Variants in LAMA2 observed in about 807,000 individuals in gnomAD.
LAMA2 encodes laminin subunit alpha 2.
Under a neutral mutation model 364.8 loss-of-function variants are expected in LAMA2, and 269 were observed. That is an observed-to-expected ratio of 0.74 (90% CI 0.67 to 0.82). The LOEUF (loss-of-function observed/expected upper bound fraction) is 0.82, where lower values mean the gene tolerates loss of function less well. Among genes scored for constraint, LAMA2 ranks in the 40% least tolerant of loss-of-function variants. The pLI, the probability that LAMA2 is intolerant of heterozygous loss-of-function variation, is 0.00. For missense variants in LAMA2, 3,807 were observed against 3,873.2 expected, an observed-to-expected ratio of 0.98 and a Z score of 0.45; for synonymous variants, 1,379 against 1,370.6, an observed-to-expected ratio of 1.01 and a Z score of -0.14.
chr6:128,885,725 ACC>A (rs1159897342), intron 1 of LAMA2, among the ~76,000 whole-genome samples: 9 of 152,170 alleles, frequency 5.9e-5, no homozygotes, highest in Non-Finnish European at 2.9e-5. Context: ...ACATGAATCA[ACC>A]ATTTTTAGAT....
At chr6:129,008,951 A>C (rs1217600549) in intron 1 of LAMA2, among the ~76,000 whole-genome samples, 1 of 152,234 alleles carries the variant, frequency 6.6e-6, no homozygotes, top group Non-Finnish European at 1.5e-5. Flanking sequence ...CTTGGCATGC[A>C]TAATTCAAAG....
At chr6:128,988,850 T>C (rs1463478539) in intron 1 of LAMA2, among the ~76,000 whole-genome samples, 2 of 152,180 alleles carry the variant, frequency 1.3e-5, no homozygotes, top group African/African-American at 2.4e-5. Flanking sequence ...ATTCTCAAAT[T>C]AATAGGATAC....
chr6:129,227,862 C>G (rs536872678), intron 12 of LAMA2, among the ~76,000 whole-genome samples: 8 of 152,300 alleles, frequency 5.3e-5, no homozygotes, highest in South Asian at 2.1e-4. Context: ...AGCTGTCAGA[C>G]AGGGACATTT....
intron 33 of LAMA2, among the ~76,000 whole-genome samples, chr6:129,368,376 T>C (rs184985146): frequency 6.6e-4 from 100 of 152,302 alleles, no homozygotes; most frequent in African/African-American, 2.3e-3. Context: ...TAGTGAAAGA[T>C]AAGGCTGGAG....
At chr6:129,227,337 A>G (rs1188459656) in intron 12 of LAMA2, among the ~76,000 whole-genome samples, 1 of 152,088 alleles carries the variant, frequency 6.6e-6, no homozygotes, top group African/African-American at 2.4e-5. Flanking sequence ...AACTCCTCAA[A>G]GTCATTCTCC....
At chr6:129,330,143 T>C (rs1425409551) in intron 29 of LAMA2, among the ~76,000 whole-genome samples, 1 of 151,982 alleles carries the variant, frequency 6.6e-6, no homozygotes, top group Non-Finnish European at 1.5e-5. Flanking sequence ...TTATGGTGAG[T>C]TGTATAATTA....
intron 14 of LAMA2, among the ~76,000 whole-genome samples, chr6:129,257,502 A>G (rs1477932416): frequency 6.6e-6 from 1 of 152,074 alleles, no homozygotes; most frequent in Non-Finnish European, 1.5e-5. Context: ...AAAGTAGTCA[A>G]CTGCTCATTC....
chr6:129,292,261 G>C (rs911496565), intron 20 of LAMA2, among the ~76,000 whole-genome samples: 1 of 152,126 alleles, frequency 6.6e-6, no homozygotes, highest in East Asian at 1.9e-4. Context: ...CGGGAGAATC[G>C]CTTGAACCTG....
At chr6:128,959,926 T>C (rs1362274428) in intron 1 of LAMA2, among the ~76,000 whole-genome samples, 2 of 151,940 alleles carry the variant, frequency 1.3e-5, no homozygotes, top group East Asian at 1.9e-4. Context: ...TTATAAAAAA[T>C]TAATATATTC....
At chr6:129,060,557 G>A (rs895089285) in intron 3 of LAMA2, among the ~76,000 whole-genome samples, 5 of 152,124 alleles carry the variant, frequency 3.3e-5, no homozygotes, top group Non-Finnish European at 5.9e-5. Context: ...TTGCAATTAG[G>A]ATGGAAAGTG....
chr6:129,486,310 G>C (rs1784579902), intron 55 of LAMA2, among the ~76,000 whole-genome samples, 164 bp from the exon 56 acceptor site: 1 of 152,212 alleles, frequency 6.6e-6, no homozygotes, highest in African/African-American at 2.4e-5. Context: ...TAAATGATTA[G>C]AAAGATATTT....
chr6:129,490,554 T>C (rs1186431333), intron 56 of LAMA2: 1 of 152,230 alleles, frequency 6.6e-6, no homozygotes, highest in African/African-American at 2.4e-5. Context: ...CAGAGGCTTA[T>C]ATCCTTCATT....
At chr6:129,144,794 A>G (rs1778333180) in intron 5 of LAMA2, among the ~76,000 whole-genome samples, 1 of 152,060 alleles carries the variant, frequency 6.6e-6, no homozygotes. Context: ...ATTAGGGGAA[A>G]AAGTTTAAAG....
intron 40 of LAMA2, among the ~76,000 whole-genome samples, chr6:129,406,278 A>G (rs1780244310): frequency 6.6e-6 from 1 of 152,230 alleles, no homozygotes; most frequent in Admixed American, 6.5e-5. Context: ...CTTTATAAGC[A>G]GGAGAAAGCT....
At chr6:129,297,659 A>G in intron 20 of LAMA2, 26 bp from the exon 21 acceptor site, 2 of 1,610,804 alleles carry the variant, frequency 1.2e-6, no homozygotes, top group East Asian at 2.2e-5. Context: ...TTTAAATTTA[A>G]TTTTTCTCTC....
At chr6:129,206,872 T>C (rs939946423) in intron 12 of LAMA2, among the ~76,000 whole-genome samples, 1 of 152,224 alleles carries the variant, frequency 6.6e-6, no homozygotes, top group African/African-American at 2.4e-5. Context: ...AAATTACCTG[T>C]GAAAGAGTGC....
intron 29 of LAMA2, among the ~76,000 whole-genome samples, chr6:129,328,844 A>G (rs138159611): frequency 0.012 from 1,786 of 152,344 alleles, 28 homozygotes; most frequent in African/African-American, 0.04. Context: ...TAAGATTTAT[A>G]TAACACCATG....
intron 18 of LAMA2, among the ~76,000 whole-genome samples, chr6:129,280,424 G>A (rs2114392078): frequency 6.6e-6 from 1 of 152,202 alleles, no homozygotes; most frequent in South Asian, 2.1e-4. Context: ...TTTGTAGAAA[G>A]CATTGCTCAA....
chr6:129,368,402 G>A (rs1420357992), intron 33 of LAMA2, among the ~76,000 whole-genome samples: 2 of 152,174 alleles, frequency 1.3e-5, no homozygotes, highest in South Asian at 4.1e-4. Flanking sequence ...AGTGAGGCAG[G>A]GTGATATGAT....
Sources: gnomAD v4.1 joint callset for allele counts (sites outside exome capture counted in the v4.1 genomes callset) on GRCh38, gnomAD v4.1.1 for gene constraint, MANE v1.5 for transcripts, NCBI Gene and HGNC (gene_info 2026-07-23, HGNC 2026-07-21) for gene names.